Variants in TMEM44 observed in about 807,000 individuals in gnomAD.
TMEM44 encodes transmembrane protein 44.
Under a neutral mutation model 47.8 loss-of-function variants are expected in TMEM44, and 43 were observed. That is an observed-to-expected ratio of 0.90 (90% CI 0.70 to 1.16). The LOEUF (loss-of-function observed/expected upper bound fraction) is 1.16, where lower values mean the gene tolerates loss of function less well. Ranked by LOEUF, TMEM44 falls within the 50% of genes most tolerant of loss-of-function variation. The pLI is 0.00. For missense variants in TMEM44, 568 were observed against 555.2 expected, an observed-to-expected ratio of 1.02 and a Z score of -0.23; for synonymous variants, 277 against 238.8, an observed-to-expected ratio of 1.16 and a Z score of -1.48.
rs1294218036 is a variant in TMEM44, at chr3:194,617,141, G to C, written c.741C>G (p.Pro247=). 6 of 1,559,600 alleles carry C rather than the reference G, an allele frequency of 3.8e-6. No individual in the cohort carries two copies. In the Admixed American group the frequency reaches 1.2e-4, roughly 30 times the overall value. ...CACGGCCGAGGGAGGTCAGGAACCA[G>C]GGTGTGGCCCGCAGCAGGTACTCAG... ...QHPEYLLRAT[P]WFLTSLGRAA... is the part of the protein sequence containing the mutation. Residue 247 remains proline, a synonymous_variant, in exon 6 of 10, where the codon CCC becomes CCG. Transcript: ENST00000347147.
chr3:194,600,147 A>G lies in TMEM44; in HGVS notation c.1176+4140T>C, dbSNP rs138514023. 2.8e-3 allele frequency among the ~76,000 whole-genome samples: 425 copies of G among 151,746 alleles called. 3 individuals carry two copies. The East Asian group carries it at 0.031, about 11-fold the overall frequency. ...CACTCTGATGCCCAGGCTGGAGTGC[A>G]GTGGCACAATCTCAGCTCACTGCAA... is the stretch of plus-strand genomic sequence containing the variant. On this transcript the variant is annotated intron_variant, in intron 9 of 9. Transcript: ENST00000347147.
chr3:194,621,676 C>T (rs1198484611), intron 5 of TMEM44, among the ~76,000 whole-genome samples: 2 of 152,116 alleles, frequency 1.3e-5, no homozygotes. Flanking sequence ...GAATCCTGTT[C>T]CCCTGGAGCT....
chr3:194,609,454 G>C (rs1221355545), intron 8 of TMEM44, among the ~76,000 whole-genome samples: 1 of 152,120 alleles, frequency 6.6e-6, no homozygotes, highest in Non-Finnish European at 1.5e-5. Context: ...CAGAAGAGTG[G>C]GGGCCACAGA....
intron 9 of TMEM44, chr3:194,596,977 C>G (rs1011233668): frequency 6.6e-6 from 1 of 152,252 alleles, no homozygotes; most frequent in Non-Finnish European, 1.5e-5. Flanking sequence ...GCCTTAGGCA[C>G]AGAATTAATA....
In TMEM44 at chr3:194,628,392, G is replaced by A. The variant is rs781347969; in HGVS notation, c.255C>T (p.Leu85=). ...DTVGALLARQ[L]TIQVFTGAYL... ...TGGAGGCCCAACATACCTGGATTGTGAGCTGTCTGGCCAGAAGAGCCCCGA... is the reference window on the plus strand; with the variant it reads ...TGGAGGCCCAACATACCTGGATTGTAAGCTGTCTGGCCAGAAGAGCCCCGA... The change falls in exon 2 of 10, where the codon CTC becomes CTT. Residue 85 remains leucine, a synonymous_variant. Transcript: ENST00000347147. 4.3e-6 allele frequency: 7 copies of A among 1,611,206 alleles called. 1 individual carries two copies. Among genetic ancestry groups the A allele is most frequent in the South Asian group, 2.2e-5 (2 of 90,456 alleles).
intron 3 of TMEM44, among the ~76,000 whole-genome samples, chr3:194,625,571 C>T (rs1426152275): frequency 6.6e-6 from 1 of 152,208 alleles, no homozygotes; most frequent in African/African-American, 2.4e-5. Context: ...ACCTCCGCCT[C>T]CTGGGTTCAA....
chr3:194,632,826 G>A (rs1717959149), intron 1 of TMEM44: 5 of 507,366 alleles, frequency 9.9e-6, no homozygotes, highest in Admixed American at 3.8e-5. Context: ...CCCAGGGCTC[G>A]CGGTGTCCTC....
intron 1 of TMEM44, 57 bp downstream of exon 1, chr3:194,633,022 C>T: frequency 2.6e-6 from 4 of 1,528,478 alleles, no homozygotes; most frequent in Non-Finnish European, 3.5e-6. Context: ...GAGGGAGCAG[C>T]AGGGGATTGG....
chr3:194,609,223 C>T (rs1026236326), intron 8 of TMEM44, among the ~76,000 whole-genome samples: 1 of 151,982 alleles, frequency 6.6e-6, no homozygotes, highest in Admixed American at 6.6e-5. Context: ...GCTGGGCAGC[C>T]GAGATGGGAA....
intron 5 of TMEM44, among the ~76,000 whole-genome samples, chr3:194,619,776 A>G (rs1716322296): frequency 6.6e-6 from 1 of 152,162 alleles, no homozygotes; most frequent in South Asian, 2.1e-4. Context: ...CTGGAACCAG[A>G]GTCACTGAGA....
At chr3:194,621,647 C>T (rs1057380054) in intron 5 of TMEM44, among the ~76,000 whole-genome samples, 2 of 152,144 alleles carry the variant, frequency 1.3e-5, no homozygotes, top group Admixed American at 6.5e-5. Flanking sequence ...CCAACAACCG[C>T]GAACAACCCT....
chr3:194,597,082 G>GCATGCGTGCACACACCCACATGCA (rs1713507646), intron 9 of TMEM44: 1 of 82,904 alleles, frequency 1.2e-5, no homozygotes, highest in Non-Finnish European at 3.9e-5. Flanking sequence ...CCACACATGG[G>GCATGCGTGCACACACCCACATGCA]CATGCGTGCA....
intron 9 of TMEM44, among the ~76,000 whole-genome samples, chr3:194,597,692 C>T (rs925274347): frequency 6.6e-6 from 1 of 151,636 alleles, no homozygotes; most frequent in African/African-American, 2.4e-5. Context: ...ATAAATTCAA[C>T]CTACAGGAGC....
chr3:194,588,445 T>C lies in TMEM44; in HGVS notation c.*84A>G, dbSNP rs1244961606. On this transcript the variant is annotated 3_prime_UTR_variant, in exon 10 of 10. Coordinates refer to ENST00000347147, the MANE Select transcript of TMEM44 (RefSeq NM_001011655.3). Reference sequence around the variant, plus strand: ...AGGGCAGCTTCAGTTCCTGCCGCGGTGTCAGTGCAGATTGATTCCCGCTGC... The same window carrying C: ...AGGGCAGCTTCAGTTCCTGCCGCGGCGTCAGTGCAGATTGATTCCCGCTGC... The C allele has an allele frequency of 8.2e-7, 1 of 1,213,068 alleles. No homozygotes were observed. Among genetic ancestry groups the C allele is most frequent in the African/African-American group, 1.5e-5 (1 of 67,096 alleles). The allele number at this position is 1,213,068 out of a possible 1,614,324, so 75.1% of individuals were successfully genotyped here.
Position 194,588,360 on chromosome 3 carries a change from G to T in TMEM44, c.*169C>A. On this transcript the variant is annotated 3_prime_UTR_variant, in exon 10 of 10. Coordinates refer to ENST00000347147, the MANE Select transcript of TMEM44 (RefSeq NM_001011655.3). ...CCGCAGTACCCAAAGTCGTAGCTCCGTGATGAGCTATGATGTAGCCCAGCC... is the reference window on the plus strand; with the variant it reads ...CCGCAGTACCCAAAGTCGTAGCTCCTTGATGAGCTATGATGTAGCCCAGCC... 1.6e-6 allele frequency: 1 copy of T among 609,060 alleles called. No individual in the cohort carries two copies. The highest frequency in any genetic ancestry group is 2.9e-6 in the Non-Finnish European group (1 of 346,196). The allele number at this position is 609,060 out of a possible 1,614,324, so 37.7% of individuals were successfully genotyped here. A position where few individuals can be genotyped will look rare whatever the true frequency, so the allele number is the denominator to read the frequency against.
intron 5 of TMEM44, 65 bp downstream of exon 5, chr3:194,623,159 G>C (rs1200284506): frequency 2.0e-6 from 3 of 1,494,638 alleles, no homozygotes; most frequent in East Asian, 4.9e-5. Context: ...GACCCTCTCA[G>C]GATGCTCCCA....
chr3:194,613,979 G>A (rs1034153108), intron 7 of TMEM44, among the ~76,000 whole-genome samples: 4 of 151,620 alleles, frequency 2.6e-5, no homozygotes, highest in South Asian at 2.1e-4. Context: ...AAAATTAGCC[G>A]GGCATGGTGG....
intron 9 of TMEM44, among the ~76,000 whole-genome samples, chr3:194,602,602 C>CAA (rs57532938): frequency 0.058 from 8,341 of 143,184 alleles, 794 homozygotes; most frequent in African/African-American, 0.2. Flanking sequence ...AACTCCTTCT[C>CAA]AAAAAAAAAA....
Position 194,588,343 on chromosome 3 carries a change from C to T in TMEM44, c.*186G>A. 1 of 591,970 alleles carries T rather than the reference C, an allele frequency of 1.7e-6. No individual in the cohort carries two copies. The highest frequency in any genetic ancestry group is 3.0e-5 in the Admixed American group (1 of 33,228). The allele number at this position is 591,970 out of a possible 1,614,324, so 36.7% of individuals were successfully genotyped here. A position where few individuals can be genotyped will look rare whatever the true frequency, so the allele number is the denominator to read the frequency against. ...GGCCTATCCAGGTCTGTCCGCAGTACCCAAAGTCGTAGCTCCGTGATGAGC... is the reference window on the plus strand; with the variant it reads ...GGCCTATCCAGGTCTGTCCGCAGTATCCAAAGTCGTAGCTCCGTGATGAGC... On this transcript the variant is annotated 3_prime_UTR_variant, in exon 10 of 10. Transcript: ENST00000347147.
Sources: allele counts gnomAD v4.1 joint callset (sites outside exome capture counted in the v4.1 genomes callset), GRCh38; gene constraint gnomAD v4.1.1; transcripts MANE v1.5; gene names NCBI Gene and HGNC (gene_info 2026-07-23, HGNC 2026-07-21).